Variants in ASH1L observed in about 807,000 individuals in gnomAD.
ASH1L encodes ASH1 like histone lysine methyltransferase.
Under a neutral mutation model 269.0 loss-of-function variants are expected in ASH1L, and 23 were observed. The observed-to-expected ratio is 0.09, with a 90% CI of 0.06 to 0.12. ASH1L has a LOEUF of 0.12. Ranked by LOEUF, ASH1L falls within the 10% of genes least tolerant of loss-of-function variation. The probability of loss-of-function intolerance (pLI) is 1.00; values close to 1 mark genes in which losing one functional copy is unlikely to be tolerated. For synonymous variants in ASH1L, 1,187 were observed against 1,253.5 expected, an observed-to-expected ratio of 0.95 and a Z score of 1.12; for missense variants, 2,912 against 3,567.8, an observed-to-expected ratio of 0.82 and a Z score of 4.68.
chr1:155,461,652 C>T (rs1664309612), intron 3 of ASH1L, among the ~76,000 whole-genome samples: 1 of 152,092 alleles, frequency 6.6e-6, no homozygotes, highest in Non-Finnish European at 1.5e-5. Context: ...AGTATTAATA[C>T]TGAAAACTTA....
chr1:155,442,588 A>G (rs2148631364), intron 4 of ASH1L, among the ~76,000 whole-genome samples: 1 of 151,176 alleles, frequency 6.6e-6, no homozygotes, highest in East Asian at 1.9e-4. Flanking sequence ...CATCTCAAAA[A>G]AAAAAAAAAA....
chr1:155,433,918 G>T, intron 5 of ASH1L: 1 of 1,591,656 alleles, frequency 6.3e-7, no homozygotes, highest in South Asian at 1.1e-5. Flanking sequence ...GCAACCTGGA[G>T]AATTTGTTCC....
intron 8 of ASH1L, 141 bp from the exon 9 acceptor site, chr1:155,378,689 T>C: frequency 1.5e-6 from 1 of 668,902 alleles, no homozygotes; most frequent in South Asian, 1.9e-5. Context: ...GTTGGATACA[T>C]TTGAGGGAAA....
intron 1 of ASH1L, among the ~76,000 whole-genome samples, chr1:155,555,065 C>T (rs553354260): frequency 3.3e-5 from 5 of 149,846 alleles, no homozygotes; most frequent in African/African-American, 9.8e-5. Flanking sequence ...ATCGCTTGAA[C>T]TCAGGAGGAA....
chr1:155,386,512 A>C (rs917337239), intron 7 of ASH1L, among the ~76,000 whole-genome samples: 2 of 151,506 alleles, frequency 1.3e-5, no homozygotes, highest in Non-Finnish European at 2.9e-5. Context: ...CAGCCTCCTG[A>C]ATAGCTGGGA....
At position 155,521,288 on chromosome 1, in the gene ASH1L, T is replaced by C. The variant is rs201975309; in HGVS notation, c.232A>G (p.Thr78Ala). 1 of 1,614,176 alleles carries C rather than the reference T, an allele frequency of 6.2e-7. No individual in the cohort carries two copies. Among genetic ancestry groups the C allele is most frequent in the Non-Finnish European group, 8.5e-7 (1 of 1,180,024 alleles). ...TTTAAATTTCCCTCTGAAAAGTTTG[T>C]TTCTTTCACTGAAAACTGTTGCTGT... is the stretch of plus-strand genomic sequence containing the variant. ...DAQQQFSVKETNFSEGNLKLK... is the reference protein window; with the variant it reads ...DAQQQFSVKEANFSEGNLKLK... Residue 78 changes from threonine (T) to alanine (A), a missense_variant, in exon 2 of 28, where the codon ACA becomes GCA. Transcript: ENST00000392403.
chr1:155,359,504 C>T (rs940016801), intron 13 of ASH1L, among the ~76,000 whole-genome samples: 7 of 152,072 alleles, frequency 4.6e-5, no homozygotes, highest in African/African-American at 9.7e-5. Flanking sequence ...CTCGAACTCC[C>T]GACCTTGTGA....
chr1:155,468,379 T>C (rs1291974194), intron 3 of ASH1L, among the ~76,000 whole-genome samples: 1 of 152,094 alleles, frequency 6.6e-6, no homozygotes, highest in African/African-American at 2.4e-5. Context: ...TCCCTCTTCA[T>C]ACTCTGTTCT....
chr1:155,528,457 A>G (rs1669425425), intron 1 of ASH1L, among the ~76,000 whole-genome samples: 1 of 151,022 alleles, frequency 6.6e-6, no homozygotes, highest in Admixed American at 6.6e-5. Flanking sequence ...TTAAAGAAAG[A>G]GGTTTATTTA....
In ASH1L at chr1:155,337,573, C is replaced by G; in HGVS notation, c.*87G>C. 8.7e-7 allele frequency: 1 copy of G among 1,148,050 alleles called. No individual in the cohort carries two copies. Among genetic ancestry groups the G allele is most frequent in the Non-Finnish European group, 1.3e-6 (1 of 763,898 alleles). The allele number at this position is 1,148,050 out of a possible 1,614,324, so 71.1% of individuals were successfully genotyped here. The stretch of plus-strand genomic sequence containing the variant: ...TTCCCCTTGCCCAGATGGACCCTTC[C>G]CACCCCTGTCTATACCCAGAGAGCA... On this transcript the variant is annotated 3_prime_UTR_variant, in exon 28 of 28. Transcript: ENST00000392403.
chr1:155,432,046 A>T, intron 5 of ASH1L, among the ~76,000 whole-genome samples: 1 of 152,180 alleles, frequency 6.6e-6, no homozygotes, highest in African/African-American at 2.4e-5. Flanking sequence ...CTTCCTGTGC[A>T]TTCTGGTTTT....
rs745845037 is a variant in ASH1L, at chr1:155,479,153, T to C, written c.3717A>G (p.Thr1239=). 1 of 1,614,192 alleles carries C rather than the reference T, an allele frequency of 6.2e-7. No homozygotes were observed. The highest frequency in any genetic ancestry group is 8.5e-7 in the Non-Finnish European group (1 of 1,180,030). Residue 1239 remains threonine (T), a synonymous_variant, in exon 3 of 28, where the codon ACA becomes ACG. Coordinates refer to ENST00000392403, the MANE Select transcript of ASH1L (RefSeq NM_018489.3). The part of the protein sequence containing the change: ...HVSLIPPETS[T]VLSSLKEKHK... ...GTTTTTCTTTAAGACTGCTTAGCAC[T>C]GTAGAGGTTTCAGGGGGAATCAGAG...
intron 6 of ASH1L, among the ~76,000 whole-genome samples, chr1:155,406,954 ATAAT>A (rs1209378102): frequency 2.0e-5 from 3 of 152,210 alleles, no homozygotes; most frequent in African/African-American, 4.8e-5. Context: ...AAAGAAAAAG[ATAAT>A]TAAATGGCCT....
chr1:155,552,540 GGA>G (rs1671289575), intron 1 of ASH1L, among the ~76,000 whole-genome samples: 1 of 152,088 alleles, frequency 6.6e-6, no homozygotes, highest in African/African-American at 2.4e-5. Flanking sequence ...CAGCTACTCA[GGA>G]GACTGAAACA....
intron 1 of ASH1L, among the ~76,000 whole-genome samples, chr1:155,549,153 G>A (rs1287020765): frequency 6.6e-6 from 1 of 152,018 alleles, no homozygotes; most frequent in Admixed American, 6.6e-5. Context: ...GACGAACCTG[G>A]GCAATAAAGC....
At chr1:155,354,753 T>A in intron 15 of ASH1L, 123 bp from the exon 16 acceptor site, 1 of 874,820 alleles carries the variant, frequency 1.1e-6, no homozygotes, top group Non-Finnish European at 1.7e-6. Flanking sequence ...AAGAGAATTA[T>A]ATGGGCAAAG....
Position 155,562,784 on chromosome 1 carries a change from A to C in ASH1L, c.-731T>G. The C allele has an allele frequency of 1.2e-5, 8 of 670,388 alleles. No homozygotes were observed. Among genetic ancestry groups the C allele is most frequent in the Non-Finnish European group, 1.8e-5 (7 of 394,904 alleles). The allele number at this position is 670,388 out of a possible 1,614,324, so 41.5% of individuals were successfully genotyped here. On this transcript the variant is annotated 5_prime_UTR_variant, in exon 1 of 28. Transcript: ENST00000392403. ...GCGCAGGCCCTCACGCGTACCTTCA[A>C]CGGCGCAAGCCCAAGCCTCCTCCTC...
chr1:155,508,407 G>A (rs1667951555), intron 2 of ASH1L, among the ~76,000 whole-genome samples: 1 of 152,174 alleles, frequency 6.6e-6, no homozygotes, highest in Non-Finnish European at 1.5e-5. Context: ...TGGAGGTCAA[G>A]GCAGGCAGAT....
At chr1:155,517,654 C>T (rs1360075060) in intron 2 of ASH1L, among the ~76,000 whole-genome samples, 1 of 151,120 alleles carries the variant, frequency 6.6e-6, no homozygotes, top group Non-Finnish European at 1.5e-5. Flanking sequence ...AACAAACAAA[C>T]AAACAAACAA....
Sources: allele counts gnomAD v4.1 joint callset (sites outside exome capture counted in the v4.1 genomes callset), GRCh38; gene constraint gnomAD v4.1.1; transcripts MANE v1.5; gene names NCBI Gene and HGNC (gene_info 2026-07-23, HGNC 2026-07-21).